The following PDE7A variants were observed in gnomAD, a reference collection of about 807,000 sequenced individuals.
PDE7A encodes phosphodiesterase 7A.
Under a neutral mutation model 64.3 loss-of-function variants are expected in PDE7A, and 39 were observed. The observed-to-expected ratio is 0.61, with a 90% CI of 0.47 to 0.79. PDE7A has a LOEUF of 0.79. Ranked by LOEUF, PDE7A falls within the 30% of genes least tolerant of loss-of-function variation. PDE7A has a pLI of 0.00. For synonymous variants in PDE7A, 203 were observed against 206.8 expected (o/e 0.98, Z 0.16); for missense variants, 470 against 582.8 (o/e 0.81, Z 1.99).
intron 1 of PDE7A, among the ~76,000 whole-genome samples, chr8:65,825,788 G>A (rs1265262153): frequency 6.6e-6 from 1 of 152,064 alleles, no homozygotes; most frequent in African/African-American, 2.4e-5. Context: ...TGTACACTAG[G>A]GACACAGTAG....
rs751742270 is a variant in PDE7A, at chr8:65,841,488, C to T, written c.21G>A (p.Leu7=). 14 of 1,545,236 alleles carry T rather than the reference C, an allele frequency of 9.1e-6. No homozygotes were observed. Among genetic ancestry groups the T allele is most frequent in the Non-Finnish European group, 1.2e-5 (14 of 1,152,858 alleles). Residue 7 remains leucine (L), a synonymous_variant, in exon 1 of 13, where the codon CTG becomes CTA. Transcript: ENST00000401827. ...CCGGCCTGTCCAGGGGCAGTACCGG[C>T]AGCTGGTAACACACTTCCATTGAAT... The part of the protein sequence containing the change: MEVCYQ[L]PVLPLDRPVP...
Position 65,715,928 on chromosome 8 carries a change from C to T in PDE7A, c.*3362G>A, listed in dbSNP as rs377756807. On this transcript the variant is annotated 3_prime_UTR_variant, in exon 13 of 13. Transcript: ENST00000401827. ...AGGAGAATGGCGTGAACCCGGGAGG[C>T]GGAACTTGCAGTGAGCCAATATCGC... Among the ~76,000 whole-genome samples the T allele has an allele frequency of 1.7e-4, 22 of 133,302 alleles. No individual in the cohort carries two copies. The highest frequency in any genetic ancestry group is 5.8e-4 in the African/African-American group (21 of 36,052). 87.5% of individuals were successfully genotyped at this position (133,302 alleles called of 152,430 possible).
chr8:65,762,991 ATGTGTGTGTGTGTGTGTG>A (rs34371328), intron 3 of PDE7A, among the ~76,000 whole-genome samples: 1,736 of 138,604 alleles, frequency 0.013, 17 homozygotes, highest in South Asian at 0.026. Flanking sequence ...TATAAAAACA[ATGTGTGTGTGTGTGTGTG>A]TGTGTGTGTG....
At chr8:65,789,259 A>C (rs1809638680) in intron 1 of PDE7A, among the ~76,000 whole-genome samples, 1 of 152,354 alleles carries the variant, frequency 6.6e-6, no homozygotes, top group Non-Finnish European at 1.5e-5. Context: ...ATGTAGGCAA[A>C]GGAGGCCTCA....
chr8:65,727,115 G>C (rs951174761), intron 8 of PDE7A, 55 bp downstream of exon 8: 33 of 1,180,944 alleles, frequency 2.8e-5, no homozygotes, highest in Non-Finnish European at 4.1e-5. Flanking sequence ...TTCAAAATAT[G>C]AAAGATTTTC....
intron 3 of PDE7A, among the ~76,000 whole-genome samples, chr8:65,766,392 T>C (rs372091104): frequency 7.5e-4 from 114 of 152,384 alleles, no homozygotes; most frequent in African/African-American, 2.6e-3. Context: ...ACTCTTACTT[T>C]AGCTGACTGA....
At chr8:65,776,122 T>C (rs1809252900) in intron 3 of PDE7A, among the ~76,000 whole-genome samples, 1 of 152,208 alleles carries the variant, frequency 6.6e-6, no homozygotes, top group Non-Finnish European at 1.5e-5. Context: ...TTGGCAAAGT[T>C]AATCAACCAA....
intron 1 of PDE7A, among the ~76,000 whole-genome samples, chr8:65,815,117 T>C (rs555001065): frequency 2.0e-5 from 3 of 151,970 alleles, no homozygotes; most frequent in Non-Finnish European, 4.4e-5. Context: ...CAAAGAATAA[T>C]ACACATTTAC....
chr8:65,757,711 C>T (rs1808302031), intron 3 of PDE7A, among the ~76,000 whole-genome samples: 2 of 152,108 alleles, frequency 1.3e-5, no homozygotes, highest in South Asian at 2.1e-4. Flanking sequence ...CTCTGCTTCC[C>T]GGGTCCAAGT....
intron 6 of PDE7A, among the ~76,000 whole-genome samples, chr8:65,735,557 T>C (rs1237305312): frequency 6.6e-6 from 1 of 152,172 alleles, no homozygotes; most frequent in South Asian, 2.1e-4. Flanking sequence ...GGAGTCCACC[T>C]GCCTTGGCCT....
At chr8:65,746,282 A>C (rs1459072741) in intron 4 of PDE7A, among the ~76,000 whole-genome samples, 3 of 152,096 alleles carry the variant, frequency 2.0e-5, no homozygotes. Context: ...ACAAGCAAAA[A>C]ATAACTAACT....
At chr8:65,784,627 G>A (rs1428035309) in intron 1 of PDE7A, among the ~76,000 whole-genome samples, 1 of 151,800 alleles carries the variant, frequency 6.6e-6, no homozygotes, top group Non-Finnish European at 1.5e-5. Flanking sequence ...AATTATGATG[G>A]TAAAAGTTAT....
intron 1 of PDE7A, among the ~76,000 whole-genome samples, chr8:65,837,432 T>C (rs1427053891): frequency 6.6e-6 from 1 of 152,232 alleles, no homozygotes; most frequent in Non-Finnish European, 1.5e-5. Context: ...TTTGGAGTAT[T>C]TGTGTATACG....
chr8:65,751,175 T>TTC (rs773829834), intron 3 of PDE7A, among the ~76,000 whole-genome samples: 1 of 152,212 alleles, frequency 6.6e-6, no homozygotes, highest in Non-Finnish European at 1.5e-5. Flanking sequence ...CAAGATTATA[T>TTC]TCTGGTAAAG....
chr8:65,809,427 T>C (rs774381931), intron 1 of PDE7A, among the ~76,000 whole-genome samples: 3 of 152,184 alleles, frequency 2.0e-5, no homozygotes, highest in Non-Finnish European at 4.4e-5. Flanking sequence ...ATTACTCTTT[T>C]TAAGTTACCT....
At chr8:65,791,233 T>C (rs1399337831) in intron 1 of PDE7A, among the ~76,000 whole-genome samples, 1 of 152,206 alleles carries the variant, frequency 6.6e-6, no homozygotes, top group Non-Finnish European at 1.5e-5. Flanking sequence ...ATTTCTACCA[T>C]CTCAAAACTC....
chr8:65,762,171 G>A (rs978385140), intron 3 of PDE7A, among the ~76,000 whole-genome samples: 4 of 152,150 alleles, frequency 2.6e-5, no homozygotes, highest in African/African-American at 9.7e-5. Context: ...CATGTTGAAT[G>A]GCGCTGGTAT....
At chr8:65,791,904 A>G (rs1461667585) in intron 1 of PDE7A, among the ~76,000 whole-genome samples, 2 of 152,156 alleles carry the variant, frequency 1.3e-5, no homozygotes, top group East Asian at 1.9e-4. Flanking sequence ...TTTGAGATAC[A>G]CTTAGTACTA....
chr8:65,724,190 T>C (rs376877317), intron 11 of PDE7A, 65 bp downstream of exon 11: 83 of 991,180 alleles, frequency 8.4e-5, no homozygotes, highest in East Asian at 7.2e-4. Flanking sequence ...TGAGTTATTT[T>C]ATTCTTACGA....
Sources: gnomAD v4.1 joint callset for allele counts (sites outside exome capture counted in the v4.1 genomes callset) on GRCh38, gnomAD v4.1.1 for gene constraint, MANE v1.5 for transcripts, NCBI Gene and HGNC (gene_info 2026-07-23, HGNC 2026-07-21) for gene names.